The following ATP8B1 variants were observed in gnomAD, a reference collection of about 807,000 sequenced individuals.
ATP8B1 encodes the protein ATPase phospholipid transporting 8B1, also known as phospholipid-transporting ATPase IC.
ATP8B1 carries 80 observed loss-of-function variants against 149.9 expected under a neutral mutation model. That is an observed-to-expected ratio of 0.53 (90% CI 0.45 to 0.64). The LOEUF is 0.64. ATP8B1 is among the 30% of genes least tolerant of loss of function. ATP8B1 has a pLI of 0.00. For missense variants in ATP8B1, 1,247 were observed against 1,552.6 expected (o/e 0.80, Z 3.31); for synonymous variants, 536 against 562.8 (o/e 0.95, Z 0.67).
intron 1 of ATP8B1, among the ~76,000 whole-genome samples, chr18:57,778,300 A>T (rs1452549852): frequency 2.8e-5 from 4 of 142,994 alleles, no homozygotes; most frequent in African/African-American, 1.1e-4. Flanking sequence ...ATCTCGGCTC[A>T]CTGCAAGCTC....
At chr18:57,730,416 G>A (rs1311140560) in intron 2 of ATP8B1, among the ~76,000 whole-genome samples, 1 of 152,034 alleles carries the variant, frequency 6.6e-6, no homozygotes, top group East Asian at 1.9e-4. Flanking sequence ...TGAATGTGAT[G>A]CTAAGGTTGT....
chr18:57,669,179 CCTT>C (rs1236107381), intron 18 of ATP8B1, 136 bp downstream of exon 18: 4 of 900,464 alleles, frequency 4.4e-6, no homozygotes, highest in Non-Finnish European at 6.5e-6. Flanking sequence ...AAAGAAATAA[CCTT>C]CTTCCATTGT....
intron 14 of ATP8B1, among the ~76,000 whole-genome samples, chr18:57,684,846 CAG>C (rs1912153150): frequency 6.6e-6 from 1 of 152,098 alleles, no homozygotes; most frequent in Admixed American, 6.6e-5. Flanking sequence ...GAAATGTGGA[CAG>C]AGACACACAG....
chr18:57,695,526 G>T lies in ATP8B1; in HGVS notation c.705C>A (p.Thr235=). Reference sequence around the variant, plus strand: ...CAAGTGACATCTTAAATTTTAAATTGGTTTCTCTAAAGGAATGGGGAAAAA... The same window carrying T: ...CAAGTGACATCTTAAATTTTAAATTTGTTTCTCTAAAGGAATGGGGAAAAA... ...YVETAELDGE[T]NLKFKMSLEI... Residue 235 remains threonine, a synonymous_variant, in exon 9 of 28, where the codon ACC becomes ACA. Transcript: ENST00000648908. The T allele has an allele frequency of 6.2e-7, 1 of 1,609,628 alleles. No homozygotes were observed. The highest frequency in any genetic ancestry group is 1.1e-5 in the South Asian group (1 of 90,944).
rs775914304 is a variant in ATP8B1, at chr18:57,655,204, T to C, written c.2921A>G (p.Tyr974Cys). 5.0e-6 allele frequency: 8 copies of C among 1,606,344 alleles called. No homozygotes were observed. The Admixed American group carries it at 1.3e-4, about 27-fold the overall frequency. Residue 974 changes from tyrosine (Y) to cysteine (C), a missense_variant, in exon 23 of 28, where the codon TAC (tyrosine) becomes TGC (cysteine). Tyr to Cys is a radical substitution (Grantham distance 194). Coordinates refer to ENST00000648908, the MANE Select transcript of ATP8B1 (RefSeq NM_001374385.1). ...VHFWYSFFNGYSAQTAYEDWF... is the reference protein window; with the variant it reads ...VHFWYSFFNGCSAQTAYEDWF... ...ACAACATTACATTACCTGCGCAGAG[T>C]AGCCATTGAAGAAGGAGTACCAGAA...
chr18:57,725,562 A>C (rs553262742), intron 2 of ATP8B1, among the ~76,000 whole-genome samples: 6 of 152,382 alleles, frequency 3.9e-5, no homozygotes, highest in Admixed American at 2.0e-4. Context: ...CAGAAGACCC[A>C]GAAAAGCCAC....
At chr18:57,761,892 G>A (rs1321420074) in intron 1 of ATP8B1, among the ~76,000 whole-genome samples, 1 of 142,858 alleles carries the variant, frequency 7.0e-6, no homozygotes, top group East Asian at 2.1e-4. Context: ...GGAGGTTGCA[G>A]TGAGCCGAGA....
chr18:57,737,633 G>A (rs1370435128), intron 1 of ATP8B1: 2 of 149,556 alleles, frequency 1.3e-5, no homozygotes, highest in Admixed American at 6.7e-5. Flanking sequence ...CTCAAACTCC[G>A]GGCCCCAAGC....
intron 2 of ATP8B1, among the ~76,000 whole-genome samples, chr18:57,709,310 G>A (rs1913574696): frequency 1.3e-5 from 2 of 152,142 alleles, no homozygotes; most frequent in Admixed American, 1.3e-4. Context: ...TTGGAAGTTC[G>A]GTGGATTTGC....
intron 16 of ATP8B1, among the ~76,000 whole-genome samples, chr18:57,672,696 G>A (rs1911276613): frequency 6.6e-6 from 1 of 151,206 alleles, no homozygotes; most frequent in East Asian, 1.9e-4. Flanking sequence ...GAGAAACCTT[G>A]TTTCTACTAA....
At chr18:57,729,882 A>T (rs1207044684) in intron 2 of ATP8B1, among the ~76,000 whole-genome samples, 1 of 152,070 alleles carries the variant, frequency 6.6e-6, no homozygotes, top group African/African-American at 2.4e-5. Flanking sequence ...GTCAAGTATC[A>T]TGAGTTTAGT....
chr18:57,798,877 A>G (rs537615925), intron 1 of ATP8B1, among the ~76,000 whole-genome samples: 1 of 152,182 alleles, frequency 6.6e-6, no homozygotes, highest in Non-Finnish European at 1.5e-5. Flanking sequence ...GGGGAACTCT[A>G]TCTTTCCAGT....
chr18:57,697,310 T>C (rs1912865824), intron 8 of ATP8B1, among the ~76,000 whole-genome samples: 1 of 152,102 alleles, frequency 6.6e-6, no homozygotes. Context: ...TAAAAATCTG[T>C]TCCTTTCTCT....
chr18:57,788,036 C>T (rs1599239838), intron 1 of ATP8B1, among the ~76,000 whole-genome samples: 1 of 151,500 alleles, frequency 6.6e-6, no homozygotes, highest in Non-Finnish European at 1.5e-5. Flanking sequence ...ATCTATAAAA[C>T]AAGACAAACT....
intron 1 of ATP8B1, among the ~76,000 whole-genome samples, chr18:57,733,087 TAAG>T (rs1206025069): frequency 1.3e-5 from 2 of 152,218 alleles, no homozygotes; most frequent in Non-Finnish European, 2.9e-5. Context: ...ATCTACCGCA[TAAG>T]ATGACCCCAT....
intron 12 of ATP8B1, chr18:57,688,728 T>G (rs1186223932): frequency 1.8e-6 from 1 of 559,184 alleles, no homozygotes; most frequent in East Asian, 3.2e-5. Flanking sequence ...GGCTCCACCC[T>G]TATGAATGGG....
At chr18:57,729,707 C>T (rs905352750) in intron 2 of ATP8B1, among the ~76,000 whole-genome samples, 3 of 151,982 alleles carry the variant, frequency 2.0e-5, no homozygotes, top group Admixed American at 6.6e-5. Context: ...CTTGCCACCA[C>T]GCCTGGCTAA....
chr18:57,711,116 G>A (rs1287696477), intron 2 of ATP8B1, among the ~76,000 whole-genome samples: 3 of 152,180 alleles, frequency 2.0e-5, no homozygotes, highest in Non-Finnish European at 4.4e-5. Context: ...CCTTTATGGA[G>A]AGTAATTTGG....
chr18:57,722,962 G>A (rs1247886537), intron 2 of ATP8B1, among the ~76,000 whole-genome samples: 1 of 150,664 alleles, frequency 6.6e-6, no homozygotes, highest in Non-Finnish European at 1.5e-5. Context: ...ATCGATAAAT[G>A]TAATCCAGCA....
Sources: gnomAD v4.1 joint callset for allele counts (sites outside exome capture counted in the v4.1 genomes callset) on GRCh38, gnomAD v4.1.1 for gene constraint, MANE v1.5 for transcripts, NCBI Gene and HGNC (gene_info 2026-07-23, HGNC 2026-07-21) for gene names.